The following ZNRF2 variants were observed in gnomAD, a reference collection of about 807,000 sequenced individuals.
ZNRF2 encodes the protein E3 ubiquitin-protein ligase ZNRF2.
A neutral mutation model predicts 20.4 loss-of-function variants in ZNRF2; 16 were observed. That is an observed-to-expected ratio of 0.79 (90% CI 0.53 to 1.19). The LOEUF (loss-of-function observed/expected upper bound fraction) is 1.19. ZNRF2 is among the 50% of genes most tolerant of loss of function. The probability of loss-of-function intolerance (pLI) is 0.00; values close to 1 mark genes in which losing one functional copy is unlikely to be tolerated. For synonymous variants in ZNRF2, 178 were observed against 144.9 expected, an observed-to-expected ratio of 1.23 and a Z score of -1.64; for missense variants, 363 against 332.4, an observed-to-expected ratio of 1.09 and a Z score of -0.72.
At chr7:30,340,895 A>C (rs139826426) in intron 2 of ZNRF2, among the ~76,000 whole-genome samples, 7,806 of 152,124 alleles carry the variant, frequency 0.051, 484 homozygotes, top group African/African-American at 0.15. Context: ...TTGATAGGCT[A>C]TTAATTACTG....
chr7:30,292,995 A>G (rs1161934033), intron 1 of ZNRF2, among the ~76,000 whole-genome samples: 1 of 152,196 alleles, frequency 6.6e-6, no homozygotes, highest in African/African-American at 2.4e-5. Flanking sequence ...AGAGTCAGCA[A>G]GGAGGCAAAA....
chr7:30,289,490 A>G (rs1281026516), intron 1 of ZNRF2, among the ~76,000 whole-genome samples: 2 of 152,190 alleles, frequency 1.3e-5, no homozygotes, highest in African/African-American at 4.8e-5. Context: ...ATTTTGTGCC[A>G]TTGAAGGCTT....
chr7:30,325,841 A>T (rs1022965609), intron 2 of ZNRF2, among the ~76,000 whole-genome samples: 3 of 152,206 alleles, frequency 2.0e-5, no homozygotes, highest in Non-Finnish European at 4.4e-5. Context: ...TGCATTATCT[A>T]CTTCAAGTTT....
In ZNRF2 at chr7:30,319,750, A is replaced by T. The variant is rs542901480; in HGVS notation, c.470-3892A>T. Among the ~76,000 whole-genome samples, 440 of 152,290 alleles carry T rather than the reference A, an allele frequency of 2.9e-3. 2 individuals are homozygous for T. The highest frequency in any genetic ancestry group is 1.0e-2 in the African/African-American group (414 of 41,558). On this transcript the variant is annotated intron_variant, in intron 1 of 4. Coordinates refer to ENST00000323037, the MANE Select transcript of ZNRF2 (RefSeq NM_147128.4). ...AAAGTTCTTTGGGTAGAAGAGAAGG[A>T]TTAATGACACTAGTGATTCATTGTC...
chr7:30,318,130 G>A (rs918367333), intron 1 of ZNRF2, among the ~76,000 whole-genome samples: 15 of 152,160 alleles, frequency 9.9e-5, no homozygotes, highest in African/African-American at 1.4e-4. Flanking sequence ...TTGGAGTGCC[G>A]GCTTTGGATA....
At chr7:30,331,837 A>C (rs765735551) in intron 2 of ZNRF2, among the ~76,000 whole-genome samples, 10 of 152,224 alleles carry the variant, frequency 6.6e-5, no homozygotes, top group Admixed American at 6.5e-4. Flanking sequence ...ATTTGTGTTA[A>C]CATTTCTAAA....
chr7:30,292,168 T>C (rs1798923076), intron 1 of ZNRF2, among the ~76,000 whole-genome samples: 1 of 152,216 alleles, frequency 6.6e-6, no homozygotes, highest in Non-Finnish European at 1.5e-5. Flanking sequence ...AGCTACACAT[T>C]TTCCTCCAAG....
At position 30,315,899 on chromosome 7, in the gene ZNRF2, A is replaced by G. The variant is rs140191820; in HGVS notation, c.470-7743A>G. ...TAGTGTGTGTCATGAGAGGCACACT[A>G]ATGACTTTGGGGCTACAAAAAATAG... On this transcript the variant is annotated intron_variant, in intron 1 of 4. Transcript: ENST00000323037. 8.2e-3 allele frequency among the ~76,000 whole-genome samples: 1,250 copies of G among 152,266 alleles called. 11 individuals carry two copies. The highest frequency in any genetic ancestry group is 0.028 in the African/African-American group (1,177 of 41,552).
chr7:30,352,054 A>G (rs775885831), intron 2 of ZNRF2, among the ~76,000 whole-genome samples: 6 of 151,792 alleles, frequency 4.0e-5, no homozygotes, highest in Non-Finnish European at 7.4e-5. Context: ...ACTATCTGAT[A>G]ATAACTAACA....
intron 1 of ZNRF2, among the ~76,000 whole-genome samples, chr7:30,313,282 A>C (rs943017044): frequency 2.6e-5 from 4 of 152,144 alleles, no homozygotes; most frequent in African/African-American, 9.7e-5. Context: ...CATTGTTGTA[A>C]TTATTCTGAA....
chr7:30,338,422 A>G (rs867295591), intron 2 of ZNRF2, among the ~76,000 whole-genome samples: 18 of 26,748 alleles, frequency 6.7e-4, no homozygotes, highest in Admixed American at 3.6e-3. Flanking sequence ...TCCCTCCCCT[A>G]GCCCCCCCCC....
intron 2 of ZNRF2, among the ~76,000 whole-genome samples, chr7:30,338,496 A>G (rs1183203566): frequency 8.7e-5 from 11 of 126,300 alleles, no homozygotes; most frequent in Admixed American, 1.1e-4. Context: ...TCATTGTTCA[A>G]CTCCCACTTA....
chr7:30,349,517 G>A (rs1799931824), intron 2 of ZNRF2, among the ~76,000 whole-genome samples: 1 of 151,840 alleles, frequency 6.6e-6, no homozygotes, highest in South Asian at 2.1e-4. Flanking sequence ...CTGTGAGGTA[G>A]GTACTGTTAT....
intron 2 of ZNRF2, among the ~76,000 whole-genome samples, chr7:30,338,889 C>T (rs1799755664): frequency 6.6e-6 from 1 of 152,182 alleles, no homozygotes; most frequent in African/African-American, 2.4e-5. Context: ...TACACTCCCA[C>T]CAACAGTGCA....
intron 4 of ZNRF2, among the ~76,000 whole-genome samples, chr7:30,364,926 G>C (rs1800185780): frequency 6.6e-6 from 1 of 152,040 alleles, no homozygotes; most frequent in African/African-American, 2.4e-5. Context: ...TCTGATGAGG[G>C]CTCATTGCTC....
At chr7:30,299,299 A>AT (rs1799069781) in intron 1 of ZNRF2, among the ~76,000 whole-genome samples, 1 of 151,982 alleles carries the variant, frequency 6.6e-6, no homozygotes. Context: ...CATGCCTGTA[A>AT]TCCCAGCGAC....
rs185721559 is a variant in ZNRF2, at chr7:30,288,789, C to T, written c.469+2963C>T. ...GAGTGTTAAAGTGAACAGACGCTTT[C>T]TTGACTACTGCTAGTGTCGTCCATC... On this transcript the variant is annotated intron_variant, in intron 1 of 4. Coordinates refer to ENST00000323037, the MANE Select transcript of ZNRF2 (RefSeq NM_147128.4). 2.8e-3 allele frequency: 422 copies of T among 152,324 alleles called. 3 individuals are homozygous for T. Among genetic ancestry groups the T allele is most frequent in the African/African-American group, 9.7e-3 (402 of 41,578 alleles). The allele number at this position is 152,324 out of a possible 1,614,324, so 9.4% of individuals were successfully genotyped here. A position where few individuals can be genotyped will look rare whatever the true frequency, so the allele number is the denominator to read the frequency against.
chr7:30,343,567 G>A (rs531245168), intron 2 of ZNRF2, among the ~76,000 whole-genome samples: 19 of 151,982 alleles, frequency 1.3e-4, no homozygotes, highest in Non-Finnish European at 2.6e-4. Flanking sequence ...GGTGCAAATT[G>A]CATTTTTTAA....
intron 2 of ZNRF2, among the ~76,000 whole-genome samples, chr7:30,338,272 G>A (rs1799746060): frequency 1.3e-5 from 2 of 150,526 alleles, no homozygotes; most frequent in East Asian, 3.9e-4. Context: ...AAGATGCTGT[G>A]CCCATTTTTT....
Sources: allele counts gnomAD v4.1 joint callset (sites outside exome capture counted in the v4.1 genomes callset), GRCh38; gene constraint gnomAD v4.1.1; transcripts MANE v1.5; gene names NCBI Gene and HGNC (gene_info 2026-07-23, HGNC 2026-07-21).